PLA2G4C: variants seen among roughly 807,000 people sequenced by gnomAD.
PLA2G4C encodes phospholipase A2 group IVC.
In PLA2G4C, 64 loss-of-function variants were observed where a neutral mutation model predicts 73.8. The observed-to-expected ratio is 0.87, with a 90% CI of 0.71 to 1.07. The LOEUF (loss-of-function observed/expected upper bound fraction) is 1.07. PLA2G4C is among the 50% of genes least tolerant of loss of function. PLA2G4C has a pLI of 0.00. For missense variants in PLA2G4C, 622 were observed against 665.4 expected, an observed-to-expected ratio of 0.93 and a Z score of 0.72; for synonymous variants, 254 against 252.1, an observed-to-expected ratio of 1.01 and a Z score of -0.07.
rs761271989 is a variant in PLA2G4C at position 48,062,052 on chromosome 19, C to A, written c.1203G>T (p.Thr401=). 1 of 1,613,842 alleles carries A rather than the reference C, an allele frequency of 6.2e-7. No homozygotes were observed. Among genetic ancestry groups the A allele is most frequent in the East Asian group, 2.2e-5 (1 of 44,840 alleles). The change falls in exon 14 of 17, where the codon ACG becomes ACT. Residue 401 remains threonine (T), a synonymous_variant. Transcript: ENST00000599921. The stretch of plus-strand genomic sequence containing the variant: ...AGGAGAGGATGAGGTGAACCTCCCG[C>A]GTCGGGGGCAGCACGAGTGGGAAGG... ...NTPFPLVLPP[T]REVHLILSFD...
intron 4 of PLA2G4C, among the ~76,000 whole-genome samples, chr19:48,100,817 G>C (rs2122684539): frequency 7.1e-6 from 1 of 140,098 alleles, no homozygotes; most frequent in Non-Finnish European, 1.5e-5. Flanking sequence ...GAGAGGCTGA[G>C]GCAGGAGAAT....
chr19:48,098,528 GC>G (rs2122669496), intron 5 of PLA2G4C, among the ~76,000 whole-genome samples: 1 of 151,138 alleles, frequency 6.6e-6, no homozygotes, highest in Admixed American at 6.6e-5. Flanking sequence ...TTGCTATGTT[GC>G]CCAGGCTGGT....
In PLA2G4C at chr19:48,110,555, T is replaced by TTGGGCTCCGGAATCCGGTGCGGAGGCC; in HGVS notation, c.-102_-101insGGCCTCCGCACCGGATTCCGGAGCCCA. 2 of 1,492,800 alleles carry TTGGGCTCCGGAATCCGGTGCGGAGGCC rather than the reference T, an allele frequency of 1.3e-6. No homozygotes were observed. The highest frequency in any genetic ancestry group is 1.8e-6 in the Non-Finnish European group (2 of 1,120,700). The allele number at this position is 1,492,800 out of a possible 1,614,324, so 92.5% of individuals were successfully genotyped here. On this transcript the variant is annotated 5_prime_UTR_variant, in exon 1 of 17. Coordinates refer to ENST00000599921, the MANE Select transcript of PLA2G4C (RefSeq NM_003706.3). ...GTGCTCCGGAATCCGGTGCGGAGGCTTGGGCTCCCTGCGCTTAGCGGTGTA... is the reference window on the plus strand; with the variant it reads ...GTGCTCCGGAATCCGGTGCGGAGGCTTGGGCTCCGGAATCCGGTGCGGAGGCCTGGGCTCCCTGCGCTTAGCGGTGTA...
chr19:48,099,848 A>G lies in PLA2G4C; in HGVS notation c.270T>C (p.Ser90=). 6.2e-7 allele frequency: 1 copy of G among 1,612,040 alleles called. No homozygotes were observed. The highest frequency in any genetic ancestry group is 8.5e-7 in the Non-Finnish European group (1 of 1,178,470). The part of the protein sequence containing the change: ...GVSGSTWAIS[S]LYTNDGDMEA... ...CCATGTCACCATCATTGGTGTAGAG[A>G]GAAGATATTGCCCTGGAGGACAGAG... Residue 90 remains serine (S), a synonymous_variant, in exon 5 of 17, where the codon TCT becomes TCC. Coordinates refer to ENST00000599921, the MANE Select transcript of PLA2G4C (RefSeq NM_003706.3).
intron 7 of PLA2G4C, among the ~76,000 whole-genome samples, chr19:48,095,010 C>A (rs1242605443): frequency 2.0e-5 from 3 of 152,116 alleles, no homozygotes; most frequent in Non-Finnish European, 4.4e-5. Flanking sequence ...GCCTCAGCCT[C>A]CTGAGTAGCT....
At chr19:48,087,861 G>A (rs890383138) in intron 9 of PLA2G4C, among the ~76,000 whole-genome samples, 2 of 151,816 alleles carry the variant, frequency 1.3e-5, no homozygotes, top group African/African-American at 4.8e-5. Flanking sequence ...TTGAACCTGG[G>A]AGGCGGAGGT....
At chr19:48,057,298 G>A (rs1422218601) in intron 14 of PLA2G4C, among the ~76,000 whole-genome samples, 1 of 151,804 alleles carries the variant, frequency 6.6e-6, no homozygotes, top group East Asian at 1.9e-4. Flanking sequence ...AAGTGTTAGA[G>A]GAAGAGATGG....
At chr19:48,048,484 T>C in intron 16 of PLA2G4C, 96 bp from the exon 17 acceptor site, 1 of 726,926 alleles carries the variant, frequency 1.4e-6, no homozygotes, top group Non-Finnish European at 2.2e-6. Flanking sequence ...CTACAGGTCA[T>C]ACATGACTTA....
intron 8 of PLA2G4C, among the ~76,000 whole-genome samples, chr19:48,089,885 C>T (rs1177278614): frequency 1.3e-5 from 2 of 152,226 alleles, no homozygotes; most frequent in Non-Finnish European, 2.9e-5. Flanking sequence ...ATCCTTCCCA[C>T]GACTTGGTGG....
At chr19:48,100,835 AC>A (rs1286408995) in intron 4 of PLA2G4C, among the ~76,000 whole-genome samples, 1 of 147,470 alleles carries the variant, frequency 6.8e-6, no homozygotes, top group Non-Finnish European at 1.5e-5. Context: ...AATGGCGTGA[AC>A]CCGGGAGGCT....
intron 2 of PLA2G4C, among the ~76,000 whole-genome samples, chr19:48,105,928 TCC>T (rs1568457479): frequency 0.024 from 638 of 26,268 alleles, 122 homozygotes; most frequent in Non-Finnish European, 0.029. Context: ...CCTCCCTCCC[TCC>T]CTCCCTCCCT....
intron 4 of PLA2G4C, among the ~76,000 whole-genome samples, chr19:48,100,213 A>G (rs1815750758): frequency 6.6e-6 from 1 of 152,104 alleles, no homozygotes; most frequent in Admixed American, 6.6e-5. Flanking sequence ...AACTCACATA[A>G]TCCTAGAAAA....
At chr19:48,101,436 C>G (rs1271447336) in intron 4 of PLA2G4C, among the ~76,000 whole-genome samples, 3 of 151,824 alleles carry the variant, frequency 2.0e-5, no homozygotes, top group Admixed American at 2.0e-4. Context: ...TGCCCGGGCT[C>G]AATAAAAATT....
intron 12 of PLA2G4C, among the ~76,000 whole-genome samples, chr19:48,071,330 G>A (rs565334156): frequency 6.6e-6 from 1 of 152,012 alleles, no homozygotes; most frequent in Non-Finnish European, 1.5e-5. Flanking sequence ...CACTCTTGTT[G>A]CCCAGGCTGG....
At chr19:48,094,103 C>A (rs953601977) in intron 7 of PLA2G4C, among the ~76,000 whole-genome samples, 1 of 152,128 alleles carries the variant, frequency 6.6e-6, no homozygotes, top group African/African-American at 2.4e-5. Flanking sequence ...TCTGCATTTG[C>A]TCTTCCCTCT....
At chr19:48,086,737 C>T (rs1568442447) in intron 9 of PLA2G4C, among the ~76,000 whole-genome samples, 1 of 152,142 alleles carries the variant, frequency 6.6e-6, no homozygotes, top group Non-Finnish European at 1.5e-5. Context: ...TAACACTGGG[C>T]CCAGGAAGGA....
intron 10 of PLA2G4C, among the ~76,000 whole-genome samples, chr19:48,082,791 G>A (rs1289652004): frequency 1.3e-5 from 2 of 148,738 alleles, no homozygotes; most frequent in Non-Finnish European, 3.0e-5. Context: ...GAGCCACTGT[G>A]CCCGGCTTGC....
chr19:48,060,015 C>T (rs1455738795), intron 14 of PLA2G4C, among the ~76,000 whole-genome samples: 3 of 151,962 alleles, frequency 2.0e-5, no homozygotes, highest in South Asian at 2.1e-4. Context: ...CTGATCCACC[C>T]GCCTCGGCCT....
intron 8 of PLA2G4C, chr19:48,090,094 C>A (rs2031210690): frequency 2.3e-6 from 1 of 440,276 alleles, no homozygotes; most frequent in Non-Finnish European, 4.1e-6. Context: ...GGCACAGAGG[C>A]AGAAACCGAG....
Sources: gnomAD v4.1 joint callset for allele counts (sites outside exome capture counted in the v4.1 genomes callset) on GRCh38, gnomAD v4.1.1 for gene constraint, MANE v1.5 for transcripts, NCBI Gene and HGNC (gene_info 2026-07-23, HGNC 2026-07-21) for gene names.